TRAPPC11: variants seen among roughly 807,000 people sequenced by gnomAD.
The protein encoded by TRAPPC11 is trafficking protein particle complex subunit 11.
Under a neutral mutation model 151.2 loss-of-function variants are expected in TRAPPC11, and 104 were observed. That is an observed-to-expected ratio of 0.69 (90% CI 0.59 to 0.81). The LOEUF is 0.81. Ranked by LOEUF, TRAPPC11 falls within the 30% of genes least tolerant of loss-of-function variation. TRAPPC11 has a pLI of 0.00. For missense variants in TRAPPC11, 1,230 were observed against 1,349.6 expected, an observed-to-expected ratio of 0.91 and a Z score of 1.39; for synonymous variants, 456 against 472.3, an observed-to-expected ratio of 0.97 and a Z score of 0.45.
chr4:183,680,159 G>A lies in TRAPPC11; in HGVS notation c.1005G>A (p.Lys335=), dbSNP rs764476969. The A allele has an allele frequency of 6.2e-6, 10 of 1,613,770 alleles. No homozygotes were observed. Among genetic ancestry groups the A allele is most frequent in the Non-Finnish European group, 7.6e-6 (9 of 1,179,866 alleles). Residue 335 remains lysine (K), a synonymous_variant, in exon 10 of 30, where the codon AAG becomes AAA. Coordinates refer to ENST00000334690, the MANE Select transcript of TRAPPC11 (RefSeq NM_021942.6). The part of the protein sequence containing the change: ...AFGDLFDEAI[K]LGLTAIQTQN... The stretch of plus-strand genomic sequence containing the variant: ...GAGATTTATTTGATGAAGCTATTAA[G>A]TTAGGGTTAACAGCTATTCAAACTC...
At chr4:183,671,171 A>G (rs1735138456) in intron 5 of TRAPPC11, among the ~76,000 whole-genome samples, 1 of 152,184 alleles carries the variant, frequency 6.6e-6, no homozygotes, top group Non-Finnish European at 1.5e-5. Flanking sequence ...CGGCCCTGGA[A>G]GCGGTTTTCT....
intron 22 of TRAPPC11, 114 bp downstream of exon 22, chr4:183,694,152 T>A: frequency 9.1e-7 from 1 of 1,097,146 alleles, no homozygotes; most frequent in Non-Finnish European, 1.3e-6. Context: ...ACTGAAAAAG[T>A]GATTTAACTA....
At position 183,712,582 on chromosome 4, in the gene TRAPPC11, G is replaced by T. The variant is rs1327066056; in HGVS notation, c.3358-18G>T. On this transcript the variant is annotated intron_variant, in intron 29 of 29. Transcript: ENST00000334690. Reference sequence around the variant, plus strand: ...TATTATAATTTTGTAAACCCACTTTGTTTTTCCCACTTTAAAGCCACAGGG... The same window carrying T: ...TATTATAATTTTGTAAACCCACTTTTTTTTTCCCACTTTAAAGCCACAGGG... The T allele has an allele frequency of 4.3e-6, 7 of 1,613,228 alleles. No individual in the cohort carries two copies. In the Admixed American group the frequency reaches 1.2e-4, roughly 27 times the overall value.
intron 11 of TRAPPC11, among the ~76,000 whole-genome samples, chr4:183,683,600 G>A (rs909770272): frequency 9.2e-5 from 14 of 152,132 alleles, no homozygotes; most frequent in African/African-American, 2.2e-4. Context: ...AGGTTGATGC[G>A]CAGTGAGCTG....
chr4:183,671,683 T>C (rs1735165631), intron 5 of TRAPPC11, among the ~76,000 whole-genome samples: 1 of 152,232 alleles, frequency 6.6e-6, no homozygotes, highest in South Asian at 2.1e-4. Context: ...GTCCTTCACC[T>C]GAAAACCGGT....
intron 10 of TRAPPC11, among the ~76,000 whole-genome samples, chr4:183,681,714 G>A (rs901241302): frequency 4.6e-5 from 7 of 151,784 alleles, no homozygotes; most frequent in East Asian, 3.9e-4. Context: ...TGGGAGGCGG[G>A]GCTTGCAGCG....
chr4:183,672,757 C>CT (rs975867061), intron 5 of TRAPPC11, among the ~76,000 whole-genome samples: 4 of 152,166 alleles, frequency 2.6e-5, no homozygotes, highest in African/African-American at 4.8e-5. Flanking sequence ...TGTTTTATCT[C>CT]TAAGTACACA....
chr4:183,661,040 A>C (rs1381187730), intron 1 of TRAPPC11, among the ~76,000 whole-genome samples: 2 of 152,010 alleles, frequency 1.3e-5, no homozygotes, highest in African/African-American at 4.8e-5. Flanking sequence ...TTTCATTCCT[A>C]CATTACCCAG....
intron 29 of TRAPPC11, among the ~76,000 whole-genome samples, chr4:183,710,145 A>G (rs62358038): frequency 0.28 from 42,552 of 152,064 alleles, 6,659 homozygotes; most frequent in African/African-American, 0.43. Context: ...GGTTCCATCA[A>G]TTATTCTCTT....
intron 1 of TRAPPC11, among the ~76,000 whole-genome samples, chr4:183,662,817 T>G (rs183229233): frequency 6.6e-6 from 1 of 152,242 alleles, no homozygotes; most frequent in East Asian, 1.9e-4. Flanking sequence ...ATTTTAATTT[T>G]ATCACCTTCT....
intron 5 of TRAPPC11, 62 bp downstream of exon 5, chr4:183,668,179 C>T: frequency 1.1e-6 from 1 of 897,340 alleles, no homozygotes; most frequent in Middle Eastern, 2.2e-4. Context: ...AAATTGGTAG[C>T]TTAGACCCAT....
At chr4:183,697,897 G>A in intron 25 of TRAPPC11, 62 bp downstream of exon 25, 11 of 1,427,154 alleles carry the variant, frequency 7.7e-6, no homozygotes, top group Admixed American at 4.5e-5. Flanking sequence ...GTGTGTGTGT[G>A]TATAAGCTGG....
At chr4:183,672,809 C>T (rs549226822) in intron 5 of TRAPPC11, among the ~76,000 whole-genome samples, 1 of 152,248 alleles carries the variant, frequency 6.6e-6, no homozygotes, top group Admixed American at 6.5e-5. Flanking sequence ...TTGATATTTA[C>T]TGAGACAATC....
chr4:183,702,138 G>A (rs1464215323), intron 26 of TRAPPC11, among the ~76,000 whole-genome samples: 2 of 152,158 alleles, frequency 1.3e-5, no homozygotes, highest in Non-Finnish European at 2.9e-5. Flanking sequence ...GAGCTCAGGA[G>A]TTTGAGACCA....
intron 28 of TRAPPC11, among the ~76,000 whole-genome samples, chr4:183,707,980 A>G (rs1737161597): frequency 6.6e-6 from 1 of 152,222 alleles, no homozygotes. Context: ...AAAACAAAAC[A>G]AACTACTAAA....
At chr4:183,688,471 A>G (rs1232212986) in intron 18 of TRAPPC11, among the ~76,000 whole-genome samples, 4 of 152,210 alleles carry the variant, frequency 2.6e-5, no homozygotes, top group Non-Finnish European at 4.4e-5. Context: ...AGGAACCTGG[A>G]AGAGTTAAGC....
chr4:183,677,689 C>T, intron 8 of TRAPPC11, 135 bp downstream of exon 8: 1 of 605,688 alleles, frequency 1.7e-6, no homozygotes, highest in South Asian at 2.2e-5. Context: ...CTTTTATATC[C>T]TTTTTCTCAG....
At chr4:183,672,194 T>A (rs886377747) in intron 5 of TRAPPC11, among the ~76,000 whole-genome samples, 3 of 152,076 alleles carry the variant, frequency 2.0e-5, no homozygotes, top group African/African-American at 4.8e-5. Context: ...CCTGGGAAGG[T>A]TTAAGGAAGA....
intron 20 of TRAPPC11, 43 bp from the exon 21 acceptor site, chr4:183,693,546 C>CT (rs34363076): frequency 3.2e-4 from 497 of 1,535,656 alleles, no homozygotes; most frequent in South Asian, 9.7e-4. Context: ...AATTTATTTG[C>CT]TTTTTTTTTG....
Sources: allele counts gnomAD v4.1 joint callset (sites outside exome capture counted in the v4.1 genomes callset), GRCh38; gene constraint gnomAD v4.1.1; transcripts MANE v1.5; gene names NCBI Gene and HGNC (gene_info 2026-07-23, HGNC 2026-07-21).